The following GRID1 variants were observed in gnomAD, a reference collection of about 807,000 sequenced individuals.
GRID1 encodes the protein glutamate ionotropic receptor delta type subunit 1.
In GRID1, 28 loss-of-function variants were observed where a neutral mutation model predicts 98.0. The observed-to-expected ratio is 0.29, with a 90% CI of 0.21 to 0.39. The LOEUF (loss-of-function observed/expected upper bound fraction) is 0.39. Among genes scored for constraint, GRID1 ranks in the 10% least tolerant of loss-of-function variants. The pLI is 1.00. For synonymous variants in GRID1, 553 were observed against 538.5 expected, an observed-to-expected ratio of 1.03 and a Z score of -0.37; for missense variants, 1,111 against 1,340.5, an observed-to-expected ratio of 0.83 and a Z score of 2.67.
At chr10:85,632,014 CAA>C (rs1554860725) in intron 13 of GRID1, among the ~76,000 whole-genome samples, 7 of 149,336 alleles carry the variant, frequency 4.7e-5, no homozygotes, top group African/African-American at 1.5e-4. Flanking sequence ...CACACACACA[CAA>C]GAATGTAAGC....
rs141725406 is a variant in GRID1, at chr10:86,168,151, C to A, written c.521-29127G>T. 1.9e-3 allele frequency among the ~76,000 whole-genome samples: 291 copies of A among 152,364 alleles called. 1 individual carries two copies. The highest frequency in any genetic ancestry group is 6.8e-3 in the African/African-American group (281 of 41,592). ...GCAAGGTGAGCCTGCATGAGTGGAC[C>A]TCCATTCCCTGCCTGAGGCAGTGTG... On this transcript the variant is annotated intron_variant, in intron 3 of 15. Coordinates refer to ENST00000327946, the MANE Select transcript of GRID1 (RefSeq NM_017551.3).
At chr10:86,177,786 C>T (rs1003484516) in intron 3 of GRID1, among the ~76,000 whole-genome samples, 1 of 151,714 alleles carries the variant, frequency 6.6e-6, no homozygotes, top group Non-Finnish European at 1.5e-5. Flanking sequence ...GCATGCATTA[C>T]AGAGAAACAG....
chr10:85,800,945 G>T (rs950575020), intron 8 of GRID1, among the ~76,000 whole-genome samples: 1 of 151,738 alleles, frequency 6.6e-6, no homozygotes, highest in Non-Finnish European at 1.5e-5. Context: ...AAAATAGAAA[G>T]ACTCCAATAT....
intron 12 of GRID1, among the ~76,000 whole-genome samples, chr10:85,711,929 A>T (rs187866602): frequency 6.6e-6 from 1 of 151,848 alleles, no homozygotes; most frequent in East Asian, 1.9e-4. Context: ...TATTAATCCA[A>T]CACAAATTGT....
intron 15 of GRID1, among the ~76,000 whole-genome samples, chr10:85,604,978 A>C (rs1384625663): frequency 6.6e-6 from 1 of 152,194 alleles, no homozygotes; most frequent in African/African-American, 2.4e-5. Context: ...CCATGATCCA[A>C]ATAAGGACAG....
chr10:86,110,116 G>T (rs903725547), intron 4 of GRID1, among the ~76,000 whole-genome samples: 3 of 151,996 alleles, frequency 2.0e-5, no homozygotes, highest in African/African-American at 4.8e-5. Flanking sequence ...GGGATTACAG[G>T]CACGTGCCAC....
At chr10:86,078,703 G>A (rs1490855154) in intron 4 of GRID1, among the ~76,000 whole-genome samples, 2 of 152,242 alleles carry the variant, frequency 1.3e-5, no homozygotes, top group African/African-American at 2.4e-5. Flanking sequence ...AGGGCTGGCT[G>A]GGCAATGGGA....
chr10:86,226,269 A>G, intron 2 of GRID1, among the ~76,000 whole-genome samples: 1 of 149,084 alleles, frequency 6.7e-6, no homozygotes, highest in Non-Finnish European at 1.5e-5. Flanking sequence ...TTGAAAAGCC[A>G]CCTCCCTGAG....
At chr10:86,113,332 C>T (rs1844518104) in intron 4 of GRID1, among the ~76,000 whole-genome samples, 1 of 152,212 alleles carries the variant, frequency 6.6e-6, no homozygotes, top group African/African-American at 2.4e-5. Flanking sequence ...TTTCATTAAG[C>T]TCAAGCCACA....
chr10:86,151,528 G>A (rs1357905474), intron 3 of GRID1, among the ~76,000 whole-genome samples: 1 of 152,120 alleles, frequency 6.6e-6, no homozygotes, highest in Non-Finnish European at 1.5e-5. Flanking sequence ...TGGCATTTAA[G>A]AATGGCAAGA....
intron 3 of GRID1, among the ~76,000 whole-genome samples, chr10:86,193,936 G>A (rs938456681): frequency 3.3e-5 from 5 of 151,952 alleles, no homozygotes; most frequent in East Asian, 1.9e-4. Flanking sequence ...AGCTGCTGCC[G>A]ACCTAAGTGG....
At chr10:86,187,518 G>A (rs565383445) in intron 3 of GRID1, among the ~76,000 whole-genome samples, 2 of 152,278 alleles carry the variant, frequency 1.3e-5, no homozygotes, top group South Asian at 2.1e-4. Flanking sequence ...GAGAATTAAC[G>A]AATATCCCTA....
chr10:86,202,389 G>C (rs1319490563), intron 3 of GRID1, among the ~76,000 whole-genome samples: 1 of 152,224 alleles, frequency 6.6e-6, no homozygotes, highest in African/African-American at 2.4e-5. Flanking sequence ...TTATTCACTA[G>C]AGGGAAATTG....
At chr10:85,790,388 G>A (rs1262469074) in intron 8 of GRID1, among the ~76,000 whole-genome samples, 1 of 152,236 alleles carries the variant, frequency 6.6e-6, no homozygotes, top group Non-Finnish European at 1.5e-5. Flanking sequence ...CACACCCAGA[G>A]GCCATTTCAG....
intron 3 of GRID1, among the ~76,000 whole-genome samples, chr10:86,168,400 C>G (rs1365339938): frequency 1.3e-5 from 2 of 152,078 alleles, no homozygotes; most frequent in Non-Finnish European, 2.9e-5. Flanking sequence ...CCCTCGTGCA[C>G]TGCACTGAGA....
At chr10:86,332,945 T>G (rs1381270569) in intron 2 of GRID1, among the ~76,000 whole-genome samples, 2 of 152,186 alleles carry the variant, frequency 1.3e-5, no homozygotes, top group East Asian at 3.9e-4. Context: ...ACCATCAGCC[T>G]GTCCAGCCCA....
chr10:86,288,912 C>T (rs1001755639), intron 2 of GRID1, among the ~76,000 whole-genome samples: 1 of 152,200 alleles, frequency 6.6e-6, no homozygotes, highest in Non-Finnish European at 1.5e-5. Flanking sequence ...CACCACTCCC[C>T]AGCACTTAGT....
intron 8 of GRID1, among the ~76,000 whole-genome samples, chr10:85,794,332 G>A (rs559204779): frequency 8.5e-5 from 13 of 152,292 alleles, no homozygotes; most frequent in African/African-American, 2.2e-4. Flanking sequence ...AGCTATTTCC[G>A]TCCCTGAGAT....
chr10:85,867,161 G>A (rs1288209249), intron 6 of GRID1, among the ~76,000 whole-genome samples: 5 of 152,098 alleles, frequency 3.3e-5, no homozygotes, highest in African/African-American at 4.8e-5. Context: ...GCCCACCTGC[G>A]CCTTTCACCC....
Sources: gnomAD v4.1 joint callset for allele counts (sites outside exome capture counted in the v4.1 genomes callset) on GRCh38, gnomAD v4.1.1 for gene constraint, MANE v1.5 for transcripts, NCBI Gene and HGNC (gene_info 2026-07-23, HGNC 2026-07-21) for gene names.